ZC3H4: variants seen among roughly 807,000 people sequenced by gnomAD.
The protein encoded by ZC3H4 is zinc finger CCCH-type containing 4.
Under a neutral mutation model 108.3 loss-of-function variants are expected in ZC3H4, and 13 were observed. The ratio of observed to expected loss-of-function variants is 0.12; its 90% CI spans 0.08 to 0.19. The LOEUF (loss-of-function observed/expected upper bound fraction) is 0.19. Among genes scored for constraint, ZC3H4 ranks in the 10% least tolerant of loss-of-function variants. The pLI, the probability that ZC3H4 is intolerant of heterozygous loss-of-function variation, is 1.00. For missense variants in ZC3H4, 1,734 were observed against 1,838.8 expected (o/e 0.94, Z 1.04); for synonymous variants, 917 against 749.6 (o/e 1.22, Z -3.65).
In ZC3H4 at chr19:47,072,381, C is replaced by A. The variant is rs778802046; in HGVS notation, c.1773G>T (p.Thr591=). Residue 591 remains threonine, a synonymous_variant, in exon 12 of 15, where the codon ACG becomes ACT. Coordinates refer to ENST00000253048, the MANE Select transcript of ZC3H4 (RefSeq NM_015168.2). The surrounding 1 kb of genome is among the most constrained non-coding windows in gnomAD (Gnocchi z 5.6). ...CACCCAGCTTCTCAGCCAGCTGTCC[C>A]GTGGGCCGCACCACGATCTCAAACA... ...PSLFEIVVRP[T]GQLAEKLGVR... is the part of the protein sequence containing the mutation. 26 of 1,613,160 alleles carry A rather than the reference C, an allele frequency of 1.6e-5. No individual in the cohort carries two copies. Among genetic ancestry groups the A allele is most frequent in the Middle Eastern group, 1.7e-4 (1 of 5,974 alleles).
At chr19:47,098,027 G>A (rs1042530682) in intron 2 of ZC3H4, among the ~76,000 whole-genome samples, 5 of 152,150 alleles carry the variant, frequency 3.3e-5, no homozygotes, top group African/African-American at 4.8e-5. Context: ...GTCCTGCCCC[G>A]TACCTCCCGG....
At chr19:47,094,834 A>G (rs982934608) in intron 2 of ZC3H4, among the ~76,000 whole-genome samples, 1 of 152,148 alleles carries the variant, frequency 6.6e-6, no homozygotes, top group African/African-American at 2.4e-5. Flanking sequence ...TAGGAGTTTA[A>G]GGGCATTACC....
intron 2 of ZC3H4, among the ~76,000 whole-genome samples, chr19:47,106,998 G>A (rs537710013): frequency 6.6e-6 from 1 of 152,284 alleles, no homozygotes; most frequent in South Asian, 2.1e-4. Context: ...AAGCCCTACT[G>A]AGACTACAGC....
chr19:47,064,302 A>AAAT lies in ZC3H4; in HGVS notation c.*2051_*2053dup, dbSNP rs1227604764. 4 of 152,640 alleles carry AAAT rather than the reference A, an allele frequency of 2.6e-5. No individual in the cohort carries two copies. Among genetic ancestry groups the AAAT allele is most frequent in the African/African-American group, 9.7e-5 (4 of 41,450 alleles). The allele number at this position is 152,640 out of a possible 1,614,324, so 9.5% of individuals were successfully genotyped here. A position where few individuals can be genotyped will look rare whatever the true frequency, so the allele number is the denominator to read the frequency against. On this transcript the variant is annotated 3_prime_UTR_variant, in exon 15 of 15. Transcript: ENST00000253048. ...AGATATGGAGTATAAAAAGGGTGTGAAATAGTCATGCGGCGATCATTGTAA... is the reference window on the plus strand; with the variant it reads ...AGATATGGAGTATAAAAAGGGTGTGAAATAATAGTCATGCGGCGATCATTGTAA...
At chr19:47,092,816 CAATAAATAAATAAATA>C (rs57195521) in intron 4 of ZC3H4, among the ~76,000 whole-genome samples, 3 of 146,834 alleles carry the variant, frequency 2.0e-5, no homozygotes, top group Non-Finnish European at 3.0e-5. Flanking sequence ...GACTCCGTCT[CAATAAATAAATAAATA>C]AATAAATAAA....
rs1043772363 is a variant in ZC3H4, at chr19:47,067,770, G to A, written c.2498C>T (p.Pro833Leu). The change falls in exon 15 of 15, where the codon CCG (proline) becomes CTG (leucine). Residue 833 changes from proline to leucine, a missense_variant. Coordinates refer to ENST00000253048, the MANE Select transcript of ZC3H4 (RefSeq NM_015168.2). The surrounding 1 kb of genome is among the most constrained non-coding windows in gnomAD (Gnocchi z 6.4). ...TLRQQTSSRP[P>L]ASVGELSSSG... Reference sequence around the variant, plus strand: ...GCTGCTCAGCTCCCCAACTGAAGCCGGGGGTCGGCTGGACGTCTGCTGCCT... The same window carrying A: ...GCTGCTCAGCTCCCCAACTGAAGCCAGGGGTCGGCTGGACGTCTGCTGCCT... 15 of 1,608,960 alleles carry A rather than the reference G, an allele frequency of 9.3e-6. No individual in the cohort carries two copies. The East Asian group carries it at 1.1e-4, about 12-fold the overall frequency.
chr19:47,068,990 G>A (rs2057272866), intron 14 of ZC3H4, 102 bp downstream of exon 14: 2 of 1,569,320 alleles, frequency 1.3e-6, no homozygotes, highest in Middle Eastern at 2.2e-4. Context: ...CTAGCCATGG[G>A]CTCCTTCCTG....
intron 2 of ZC3H4, among the ~76,000 whole-genome samples, chr19:47,097,778 T>C (rs528350177): frequency 6.6e-6 from 1 of 152,216 alleles, no homozygotes; most frequent in South Asian, 2.1e-4. Context: ...ACCGCGCTAA[T>C]CATTTCAATC....
At chr19:47,091,194 C>A (rs988857148) in intron 4 of ZC3H4, among the ~76,000 whole-genome samples, 1 of 152,160 alleles carries the variant, frequency 6.6e-6, no homozygotes, top group South Asian at 2.1e-4. Flanking sequence ...ATTGCTTGAA[C>A]CCGCGAGGCA....
chr19:47,079,219 G>A (rs1248362022), intron 11 of ZC3H4, among the ~76,000 whole-genome samples: 4 of 151,218 alleles, frequency 2.6e-5, no homozygotes, highest in African/African-American at 9.7e-5. Flanking sequence ...AGTAGAGATG[G>A]GGTTTCTCCA....
chr19:47,111,707 GC>G (rs1327645489), intron 2 of ZC3H4, among the ~76,000 whole-genome samples: 3 of 151,474 alleles, frequency 2.0e-5, no homozygotes, highest in Non-Finnish European at 4.4e-5. Flanking sequence ...CCCCAATTCG[GC>G]CTTCTAGGGG....
At chr19:47,105,712 A>C (rs903615002) in intron 2 of ZC3H4, among the ~76,000 whole-genome samples, 2 of 152,188 alleles carry the variant, frequency 1.3e-5, no homozygotes, top group African/African-American at 4.8e-5. Flanking sequence ...AACGGCTTTC[A>C]CACTTTTTGA....
Position 47,070,137 on chromosome 19 carries a change from G to T in ZC3H4, c.2147-794C>A, listed in dbSNP as rs150399868. Among the ~76,000 whole-genome samples, 19 of 152,130 alleles carry T rather than the reference G, an allele frequency of 1.2e-4. 1 individual carries two copies. Among genetic ancestry groups the T allele is most frequent in the East Asian group, 9.6e-4 (5 of 5,186 alleles). On this transcript the variant is annotated intron_variant, in intron 13 of 14. Transcript: ENST00000253048. Reference sequence around the variant, plus strand: ...AGACATCGAATCACCGAAACGGAGGGGGGGGCGTCTGGAGTCAGTGCTGCC... The same window carrying T: ...AGACATCGAATCACCGAAACGGAGGTGGGGGCGTCTGGAGTCAGTGCTGCC...
intron 14 of ZC3H4, among the ~76,000 whole-genome samples, chr19:47,068,147 G>A (rs2057253544): frequency 6.6e-6 from 1 of 152,256 alleles, no homozygotes; most frequent in South Asian, 2.1e-4. Context: ...AGGAGGTAGT[G>A]ATACTATCAT....
rs892725253 is a variant in ZC3H4 at position 47,067,760 on chromosome 19, A to C, written c.2508T>G (p.Val836=). The change falls in exon 15 of 15, where the codon GTT becomes GTG. Residue 836 remains valine (V), a synonymous_variant. Coordinates refer to ENST00000253048, the MANE Select transcript of ZC3H4 (RefSeq NM_015168.2). The surrounding 1 kb of genome is among the most constrained non-coding windows in gnomAD (Gnocchi z 6.4). ...QQTSSRPPAS[V]GELSSSGLGD... ...CCAGCCCACTGCTGCTCAGCTCCCC[A>C]ACTGAAGCCGGGGGTCGGCTGGACG... The C allele has an allele frequency of 6.2e-7, 1 of 1,609,260 alleles. No individual in the cohort carries two copies.
intron 2 of ZC3H4, chr19:47,112,028 G>C (rs2058045795): frequency 2.7e-6 from 2 of 738,548 alleles, no homozygotes; most frequent in Middle Eastern, 6.9e-4. Flanking sequence ...CGGGCCCGTA[G>C]CTGCCAGCTC....
intron 11 of ZC3H4, among the ~76,000 whole-genome samples, chr19:47,079,668 T>C (rs761975294): frequency 2.6e-5 from 4 of 152,214 alleles, no homozygotes; most frequent in East Asian, 1.9e-4. Flanking sequence ...GAGGCCAAGG[T>C]GGGCGGATCA....
intron 2 of ZC3H4, chr19:47,110,961 G>C (rs1034356926): frequency 1.9e-5 from 19 of 982,246 alleles, no homozygotes; most frequent in Non-Finnish European, 2.1e-5. Flanking sequence ...TATGGTCTGT[G>C]AAGGAGAAAG....
intron 4 of ZC3H4, 75 bp downstream of exon 4, chr19:47,093,895 A>T: frequency 7.5e-7 from 1 of 1,341,102 alleles, no homozygotes; most frequent in Non-Finnish European, 1.1e-6. Flanking sequence ...CCCAGAACAC[A>T]GCAAGTGCTC....
Sources: allele counts gnomAD v4.1 joint callset (sites outside exome capture counted in the v4.1 genomes callset), GRCh38; gene constraint gnomAD v4.1.1; non-coding constraint Gnocchi (gnomAD v3.1); transcripts MANE v1.5; gene names NCBI Gene and HGNC (gene_info 2026-07-23, HGNC 2026-07-21).